The following KIAA1217 variants were observed in gnomAD, a reference collection of about 807,000 sequenced individuals.
KIAA1217 encodes the protein KIAA1217.
Under a neutral mutation model 163.9 loss-of-function variants are expected in KIAA1217, and 88 were observed. That is an observed-to-expected ratio of 0.54 (90% CI 0.45 to 0.64). The LOEUF (loss-of-function observed/expected upper bound fraction) is 0.64, where lower values mean the gene tolerates loss of function less well. Ranked by LOEUF, KIAA1217 falls within the 30% of genes least tolerant of loss-of-function variation. The probability of loss-of-function intolerance (pLI) is 0.00; values close to 1 mark genes in which losing one functional copy is unlikely to be tolerated. For missense variants in KIAA1217, 2,372 were observed against 2,475.0 expected (o/e 0.96, Z 0.88); for synonymous variants, 903 against 923.1 (o/e 0.98, Z 0.39).
chr10:23,998,133 A>G (rs1846578465), intron 1 of KIAA1217, among the ~76,000 whole-genome samples: 1 of 151,930 alleles, frequency 6.6e-6, no homozygotes. Flanking sequence ...AAATTCACTT[A>G]TATTTTTAAA....
At chr10:24,317,223 A>C (rs2043507475) in intron 2 of KIAA1217, among the ~76,000 whole-genome samples, 1 of 152,196 alleles carries the variant, frequency 6.6e-6, no homozygotes, top group African/African-American at 2.4e-5. Context: ...TGATACATAA[A>C]TAAACCCATC....
chr10:24,299,860 C>T (rs2041095704), intron 2 of KIAA1217, among the ~76,000 whole-genome samples: 1 of 152,192 alleles, frequency 6.6e-6, no homozygotes, highest in Non-Finnish European at 1.5e-5. Flanking sequence ...GCCTCCCTCC[C>T]ATTTAGACTT....
rs374884265 is a variant in KIAA1217, at chr10:24,176,801, A to G, written c.-170-42825A>G. On this transcript the variant is annotated intron_variant, in intron 2 of 18. Transcript: ENST00000376462. ...GGGTGGCGCCCATCGGGGAGGCTCA[A>G]GCCATGCGGTAGCCCACGGGGCAGG... is the stretch of plus-strand genomic sequence containing the variant. 3.7e-4 allele frequency among the ~76,000 whole-genome samples: 56 copies of G among 152,306 alleles called. No individual in the cohort carries two copies. The East Asian group carries it at 8.1e-3, about 22-fold the overall frequency.
chr10:24,429,940 T>C (rs12360518), intron 3 of KIAA1217, among the ~76,000 whole-genome samples: 27,357 of 152,070 alleles, frequency 0.18, 3,049 homozygotes, highest in Non-Finnish European at 0.25. Context: ...CTCAGGAGTT[T>C]AAAACCAGCC....
intron 1 of KIAA1217, among the ~76,000 whole-genome samples, chr10:23,928,971 G>A (rs1199426789): frequency 6.6e-6 from 1 of 152,118 alleles, no homozygotes; most frequent in African/African-American, 2.4e-5. Context: ...TCTAGACAAC[G>A]AACTGTAAGG....
intron 3 of KIAA1217, among the ~76,000 whole-genome samples, chr10:24,407,497 G>A (rs1374409514): frequency 1.3e-5 from 2 of 152,034 alleles, no homozygotes; most frequent in Admixed American, 1.3e-4. Context: ...GTAGAGATGG[G>A]TTCTGATTTT....
chr10:24,521,659 A>C, intron 11 of KIAA1217, 123 bp from the exon 12 acceptor site: 1 of 1,175,668 alleles, frequency 8.5e-7, no homozygotes, highest in Non-Finnish European at 1.2e-6. Context: ...TGCCACCTGA[A>C]GATGTGTGAG....
intron 1 of KIAA1217, among the ~76,000 whole-genome samples, chr10:23,765,420 G>T (rs145896550): frequency 2.0e-5 from 3 of 151,786 alleles, no homozygotes; most frequent in African/African-American, 7.3e-5. Flanking sequence ...TGATCCACCC[G>T]CCTCGGCCTC....
intron 3 of KIAA1217, among the ~76,000 whole-genome samples, chr10:24,425,841 A>G (rs2059128744): frequency 6.6e-6 from 1 of 152,198 alleles, no homozygotes; most frequent in Non-Finnish European, 1.5e-5. Flanking sequence ...TACTTTCCCA[A>G]CAGTGATATG....
chr10:23,990,181 A>C (rs1448632577), intron 1 of KIAA1217, among the ~76,000 whole-genome samples: 2 of 152,204 alleles, frequency 1.3e-5, no homozygotes, highest in Non-Finnish European at 2.9e-5. Context: ...ATTATAAGCA[A>C]GGCAGAGAGA....
chr10:24,440,215 A>G (rs984553756), intron 5 of KIAA1217, among the ~76,000 whole-genome samples: 11 of 152,316 alleles, frequency 7.2e-5, no homozygotes, highest in African/African-American at 1.9e-4. Flanking sequence ...TGCCAGTTAT[A>G]CTTTATGTGT....
chr10:24,126,669 C>T (rs148097479), intron 2 of KIAA1217, among the ~76,000 whole-genome samples: 50 of 152,198 alleles, frequency 3.3e-4, no homozygotes, highest in African/African-American at 1.2e-3. Flanking sequence ...AATCCTTAGG[C>T]TAATTTCTTA....
chr10:24,232,299 G>A (rs1044980862), intron 2 of KIAA1217, among the ~76,000 whole-genome samples: 4 of 152,148 alleles, frequency 2.6e-5, no homozygotes, highest in African/African-American at 9.7e-5. Context: ...ATCCTAAATG[G>A]GGATCATTCA....
chr10:24,085,414 CAGG>C (rs1248472004), intron 2 of KIAA1217, among the ~76,000 whole-genome samples: 1 of 152,112 alleles, frequency 6.6e-6, no homozygotes, highest in Admixed American at 6.5e-5. Context: ...GAGAATTGTT[CAGG>C]AGATGTGAAA....
At chr10:24,013,750 G>A (rs1292095892) in intron 2 of KIAA1217, among the ~76,000 whole-genome samples, 1 of 152,138 alleles carries the variant, frequency 6.6e-6, no homozygotes, top group Non-Finnish European at 1.5e-5. Context: ...CTGAGTCAAA[G>A]AATGGGACGC....
rs529529341 is a variant in KIAA1217, at chr10:24,359,275, TA to T, written c.355-21591del. On this transcript the variant is annotated intron_variant, in intron 2 of 20. Coordinates refer to ENST00000376454, the MANE Select transcript of KIAA1217 (RefSeq NM_019590.5). The stretch of plus-strand genomic sequence containing the variant: ...CAATTAATTTTTTGTGTGTTTTTTG[TA>T]AATACGGAGTCTCAGCATGTTGGCC... 2.6e-5 allele frequency among the ~76,000 whole-genome samples: 4 copies of T among 152,086 alleles called. No individual in the cohort carries two copies. The East Asian group carries it at 7.8e-4, about 30-fold the overall frequency.
At chr10:23,914,328 T>A (rs532170042) in intron 1 of KIAA1217, among the ~76,000 whole-genome samples, 3 of 152,266 alleles carry the variant, frequency 2.0e-5, no homozygotes, top group African/African-American at 7.2e-5. Flanking sequence ...TAGAATACTT[T>A]TCTAAAGATA....
chr10:24,207,644 C>T (rs1212396255), upstream of KIAA1217, among the ~76,000 whole-genome samples: 1 of 152,184 alleles, frequency 6.6e-6, no homozygotes, highest in African/African-American at 2.4e-5. Flanking sequence ...CGAGGCACTG[C>T]TTTAATTTTT....
At chr10:24,098,521 C>A (rs1282875075) in intron 2 of KIAA1217, among the ~76,000 whole-genome samples, 1 of 152,056 alleles carries the variant, frequency 6.6e-6, no homozygotes, top group Non-Finnish European at 1.5e-5. Context: ...AGACCAAAGG[C>A]CAAAAGCTAC....
Sources: allele counts gnomAD v4.1 joint callset (sites outside exome capture counted in the v4.1 genomes callset), GRCh38; gene constraint gnomAD v4.1.1; transcripts MANE v1.5; gene names NCBI Gene and HGNC (gene_info 2026-07-23, HGNC 2026-07-21).